METTL15: variants seen among roughly 807,000 people sequenced by gnomAD.
METTL15 encodes the protein 12S rRNA N(4)-cytidine methyltransferase METTL15.
Under a neutral mutation model 38.3 loss-of-function variants are expected in METTL15, and 34 were observed. The observed-to-expected ratio is 0.89, with a 90% CI of 0.68 to 1.18. METTL15 has a LOEUF of 1.18. Among genes scored for constraint, METTL15 ranks in the 50% most tolerant of loss-of-function variants. The probability of loss-of-function intolerance (pLI) is 0.00; values close to 1 mark genes in which losing one functional copy is unlikely to be tolerated. For synonymous variants in METTL15, 162 were observed against 170.9 expected (o/e 0.95, Z 0.41); for missense variants, 438 against 498.4 (o/e 0.88, Z 1.15).
At chr11:28,430,528 C>T (rs1283172259) in intron 6 of METTL15, among the ~76,000 whole-genome samples, 5 of 31,924 alleles carry the variant, frequency 1.6e-4, no homozygotes, top group Non-Finnish European at 3.7e-4. Flanking sequence ...CCCGGCCAGC[C>T]GCCCCGTCCG....
intron 4 of METTL15, among the ~76,000 whole-genome samples, chr11:28,250,297 A>G (rs1854686555): frequency 6.6e-6 from 1 of 152,096 alleles, no homozygotes; most frequent in Non-Finnish European, 1.5e-5. Context: ...AGAAATCACC[A>G]AACTCCTTTC....
chr11:28,307,615 T>G (rs1857127459), intron 6 of METTL15, among the ~76,000 whole-genome samples: 1 of 151,972 alleles, frequency 6.6e-6, no homozygotes, highest in Admixed American at 6.6e-5. Flanking sequence ...AGGCTAAATA[T>G]GCCATAAAAT....
At chr11:28,410,517 A>G (rs149215125) in intron 5 of METTL15, among the ~76,000 whole-genome samples, 1 of 152,304 alleles carries the variant, frequency 6.6e-6, no homozygotes, top group African/African-American at 2.4e-5. Context: ...TAAAAAGTAT[A>G]AACACTTGAT....
chr11:28,262,065 A>G (rs1473664852), intron 4 of METTL15, among the ~76,000 whole-genome samples: 3 of 152,130 alleles, frequency 2.0e-5, no homozygotes, highest in African/African-American at 4.8e-5. Flanking sequence ...TGTCTTGCCT[A>G]TTAGAAGAAC....
At chr11:28,263,066 G>A (rs554678840) in intron 4 of METTL15, among the ~76,000 whole-genome samples, 2 of 151,662 alleles carry the variant, frequency 1.3e-5, no homozygotes, top group South Asian at 2.1e-4. Flanking sequence ...ATTTCCAAAC[G>A]CTTTACTTCA....
At chr11:28,467,295 G>A (rs1031268255) in intron 6 of METTL15, among the ~76,000 whole-genome samples, 2 of 152,128 alleles carry the variant, frequency 1.3e-5, no homozygotes, top group South Asian at 2.1e-4. Flanking sequence ...TTGAGAAAAC[G>A]ATTTTGGTGT....
At chr11:28,420,054 A>T (rs1213663131) in intron 5 of METTL15, among the ~76,000 whole-genome samples, 2 of 152,182 alleles carry the variant, frequency 1.3e-5, no homozygotes, top group African/African-American at 4.8e-5. Context: ...GATAAATCTA[A>T]GAGTTATTGG....
chr11:28,149,188 A>ATTTTTTTTTTTTTTTTTTGT (rs577799533), intron 3 of METTL15, among the ~76,000 whole-genome samples: 1 of 136,752 alleles, frequency 7.3e-6, no homozygotes. Flanking sequence ...TCATTTTCTG[A>ATTTTTTTTTTTTTTTTTTGT]TTTTTTTTTT....
At chr11:28,527,020 A>G (rs1851817094) in exon 8 of METTL15, 2 of 152,168 alleles carry the variant, frequency 1.3e-5, no homozygotes, top group African/African-American at 4.8e-5. Flanking sequence ...TTTTAACACA[A>G]TAAAATACTA....
At chr11:28,527,593 A>G (rs1000367152), downstream of METTL15, among the ~76,000 whole-genome samples, 2 of 152,240 alleles carry the variant, frequency 1.3e-5, no homozygotes, top group Non-Finnish European at 2.9e-5. Flanking sequence ...ATAAAAATAA[A>G]TGCACAATTG....
intron 5 of METTL15, among the ~76,000 whole-genome samples, chr11:28,366,543 A>G (rs1164288077): frequency 6.6e-6 from 1 of 152,202 alleles, no homozygotes; most frequent in Non-Finnish European, 1.5e-5. Flanking sequence ...GAGCTGATTC[A>G]TGAAGCAGTG....
At chr11:28,113,297 T>A (rs1301828465) in intron 2 of METTL15, 21 bp from the exon 3 acceptor site, 1 of 1,459,584 alleles carries the variant, frequency 6.9e-7, no homozygotes, top group African/African-American at 1.4e-5. Flanking sequence ...CCAACAATCA[T>A]ATTTTAATTT....
At chr11:28,215,752 A>T (rs1852837017) in intron 4 of METTL15, among the ~76,000 whole-genome samples, 2 of 152,110 alleles carry the variant, frequency 1.3e-5, no homozygotes, top group South Asian at 4.2e-4. Context: ...TAAAAAGAGG[A>T]TGGAACGAAG....
At chr11:28,311,645 C>T (rs527747709) in intron 6 of METTL15, among the ~76,000 whole-genome samples, 76 of 152,338 alleles carry the variant, frequency 5.0e-4, no homozygotes, top group Middle Eastern at 3.4e-3. Flanking sequence ...AATTTACTAG[C>T]TTTGTAAATT....
chr11:28,443,086 C>T (rs1481169300), intron 6 of METTL15, among the ~76,000 whole-genome samples: 1 of 152,216 alleles, frequency 6.6e-6, no homozygotes, highest in Non-Finnish European at 1.5e-5. Flanking sequence ...ATCACCCTGA[C>T]ATCACTTTTC....
chr11:28,302,124 G>T (rs1405703234), intron 6 of METTL15, among the ~76,000 whole-genome samples: 1 of 152,006 alleles, frequency 6.6e-6, no homozygotes, highest in African/African-American at 2.4e-5. Flanking sequence ...TATTGACCGT[G>T]CTTGTCTCGA....
At chr11:28,354,235 C>A (rs553326589) in intron 4 of METTL15, among the ~76,000 whole-genome samples, 1 of 152,276 alleles carries the variant, frequency 6.6e-6, no homozygotes, top group South Asian at 2.1e-4. Context: ...CAGAGCACAC[C>A]AGAACTGGAT....
chr11:28,450,097 G>A (rs1021831442), intron 6 of METTL15, among the ~76,000 whole-genome samples: 4 of 152,174 alleles, frequency 2.6e-5, no homozygotes, highest in East Asian at 1.9e-4. Context: ...CAATATTTTA[G>A]AAATAAGATT....
intron 6 of METTL15, among the ~76,000 whole-genome samples, chr11:28,321,182 T>C (rs1849454814): frequency 6.6e-6 from 1 of 152,170 alleles, no homozygotes; most frequent in African/African-American, 2.4e-5. Flanking sequence ...ATTCATAAAA[T>C]GAGTACTTTA....
Sources: gnomAD v4.1 joint callset for allele counts (sites outside exome capture counted in the v4.1 genomes callset) on GRCh38, gnomAD v4.1.1 for gene constraint, MANE v1.5 for transcripts, NCBI Gene and HGNC (gene_info 2026-07-23, HGNC 2026-07-21) for gene names.